The following NPFFR2 variants were observed in gnomAD, a reference collection of about 807,000 sequenced individuals.
NPFFR2 encodes neuropeptide FF receptor 2.
NPFFR2 carries 15 observed loss-of-function variants against 13.1 expected under a neutral mutation model. The ratio of observed to expected loss-of-function variants is 1.15; its 90% CI spans 0.77 to 1.76. NPFFR2 has a LOEUF of 1.76. NPFFR2 is among the 40% of genes most tolerant of loss of function. The pLI is 0.00. For missense variants in NPFFR2, 572 were observed against 503.5 expected, an observed-to-expected ratio of 1.14 and a Z score of -1.30; for synonymous variants, 190 against 175.7, an observed-to-expected ratio of 1.08 and a Z score of -0.65.
intron 3 of NPFFR2, among the ~76,000 whole-genome samples, chr4:72,141,729 A>G (rs907334962): frequency 6.6e-6 from 1 of 152,136 alleles, no homozygotes; most frequent in Non-Finnish European, 1.5e-5. Context: ...AGAAGAATGT[A>G]TATGCTGTTG....
At chr4:72,126,936 T>TTA (rs1440569797) in intron 1 of NPFFR2, among the ~76,000 whole-genome samples, 1 of 152,126 alleles carries the variant, frequency 6.6e-6, no homozygotes, top group Non-Finnish European at 1.5e-5. Context: ...TGTGAATGCA[T>TTA]TATATGCTGG....
At chr4:72,066,109 T>C (rs1249969638) in intron 1 of NPFFR2, among the ~76,000 whole-genome samples, 1 of 152,222 alleles carries the variant, frequency 6.6e-6, no homozygotes, top group Non-Finnish European at 1.5e-5. Flanking sequence ...CAAGGAACTG[T>C]CAGGTTTGAT....
intron 1 of NPFFR2, among the ~76,000 whole-genome samples, chr4:72,074,290 G>A (rs577462515): frequency 3.9e-5 from 6 of 151,922 alleles, no homozygotes; most frequent in Non-Finnish European, 5.9e-5. Context: ...ATTATGTCAC[G>A]ATGCCTACAT....
rs1257794315 is a variant in NPFFR2 at position 72,032,217 on chromosome 4, G to C, written c.-8+17G>C. 1.3e-6 allele frequency: 2 copies of C among 1,584,730 alleles called. No homozygotes were observed. The highest frequency in any genetic ancestry group is 3.4e-5 in the Admixed American group (2 of 58,084). Reference sequence around the variant, plus strand: ...CCGGGAGAGGTAACAGCATGGGCCAGTTTGTCTGGGGGCCCCCGCTTGGGG... The same window carrying C: ...CCGGGAGAGGTAACAGCATGGGCCACTTTGTCTGGGGGCCCCCGCTTGGGG... On this transcript the variant is annotated intron_variant, in intron 1 of 3. Coordinates refer to ENST00000308744, the MANE Select transcript of NPFFR2 (RefSeq NM_004885.3).
rs1447356114 is a variant in NPFFR2 at position 72,147,385 on chromosome 4, T to C, written c.836T>C (p.Val279Ala). 6.2e-7 allele frequency: 1 copy of C among 1,614,178 alleles called. No individual in the cohort carries two copies. The highest frequency in any genetic ancestry group is 2.2e-5 in the East Asian group (1 of 44,874). Reference protein sequence around the residue: ...KQKIIKMLLIVALLFILSWLP... With the variant: ...KQKIIKMLLIAALLFILSWLP... ...AAGATCATTAAGATGCTCCTGATTG[T>C]GGCCCTGCTTTTTATTCTCTCATGG... Residue 279 changes from valine to alanine, a missense_variant, in exon 4 of 4, where the codon GTG (valine) becomes GCG (alanine). By Grantham distance (64) the Val-to-Ala change is moderately conservative. Coordinates refer to ENST00000308744, the MANE Select transcript of NPFFR2 (RefSeq NM_004885.3).
At chr4:72,137,664 G>A (rs1161582485) in intron 2 of NPFFR2, among the ~76,000 whole-genome samples, 1 of 152,096 alleles carries the variant, frequency 6.6e-6, no homozygotes, top group African/African-American at 2.4e-5. Flanking sequence ...TTACTTCCCA[G>A]GTTCAAATTC....
At position 72,148,164 on chromosome 4, in the gene NPFFR2, T is replaced by C. The variant is rs1307098338; in HGVS notation, c.*352T>C. 1 of 178,372 alleles carries C rather than the reference T, an allele frequency of 5.6e-6. No individual in the cohort carries two copies. The highest frequency in any genetic ancestry group is 2.4e-5 in the African/African-American group (1 of 42,444). 11.0% of individuals were successfully genotyped at this position (178,372 alleles called of 1,614,324 possible). ...GTGTATTTTCCCCAAATGGTGATGATGAGCAGTGCTTTGCATGAAACTAGA... is the reference window on the plus strand; with the variant it reads ...GTGTATTTTCCCCAAATGGTGATGACGAGCAGTGCTTTGCATGAAACTAGA... On this transcript the variant is annotated 3_prime_UTR_variant, in exon 4 of 4. Coordinates refer to ENST00000308744, the MANE Select transcript of NPFFR2 (RefSeq NM_004885.3).
At chr4:72,075,658 A>G (rs1234386646) in intron 1 of NPFFR2, among the ~76,000 whole-genome samples, 1 of 152,090 alleles carries the variant, frequency 6.6e-6, no homozygotes, top group Non-Finnish European at 1.5e-5. Flanking sequence ...TGTAGGACAT[A>G]AGCCAATCAC....
intron 1 of NPFFR2, among the ~76,000 whole-genome samples, chr4:72,118,556 A>T (rs1721777284): frequency 6.6e-6 from 1 of 152,178 alleles, no homozygotes; most frequent in Non-Finnish European, 1.5e-5. Flanking sequence ...TAGACTCCAG[A>T]GCCTGTTTTT....
intron 3 of NPFFR2, among the ~76,000 whole-genome samples, chr4:72,140,532 A>C (rs533246687): frequency 2.0e-4 from 30 of 152,092 alleles, no homozygotes; most frequent in Non-Finnish European, 4.0e-4. Context: ...GGTGTTTGTC[A>C]TTGGTTCTGT....
intron 1 of NPFFR2, among the ~76,000 whole-genome samples, chr4:72,036,480 G>A (rs184545193): frequency 2.5e-3 from 370 of 150,176 alleles, no homozygotes; most frequent in Admixed American, 7.4e-3. Context: ...TTAGTGGGCT[G>A]GAGTTGGGTT....
At chr4:72,059,720 A>G (rs766327997) in intron 1 of NPFFR2, among the ~76,000 whole-genome samples, 3 of 152,072 alleles carry the variant, frequency 2.0e-5, no homozygotes, top group Admixed American at 6.6e-5. Flanking sequence ...ATTGCTGAGT[A>G]TGGATATTCC....
At chr4:72,085,870 AGT>A (rs1720755719) in intron 1 of NPFFR2, among the ~76,000 whole-genome samples, 1 of 152,160 alleles carries the variant, frequency 6.6e-6, no homozygotes, top group African/African-American at 2.4e-5. Context: ...GTACAAGTTT[AGT>A]GTATATACAT....
rs1489898378 is a variant in NPFFR2, at chr4:72,147,873, T to G, written c.*61T>G. The G allele has an allele frequency of 1.6e-6, 2 of 1,254,522 alleles. No individual in the cohort carries two copies. Among genetic ancestry groups the G allele is most frequent in the Admixed American group, 3.0e-5 (1 of 33,016 alleles). The allele number at this position is 1,254,522 out of a possible 1,614,324, so 77.7% of individuals were successfully genotyped here. A position where few individuals can be genotyped will look rare whatever the true frequency, so the allele number is the denominator to read the frequency against. On this transcript the variant is annotated 3_prime_UTR_variant, in exon 4 of 4. Transcript: ENST00000308744. ...ATTATATATTTAAATCCATTGCTTT[T>G]TGTGGCTTTGCACTTCAAATTTTTC...
At chr4:72,043,371 T>C (rs1719284951) in intron 1 of NPFFR2, among the ~76,000 whole-genome samples, 1 of 152,200 alleles carries the variant, frequency 6.6e-6, no homozygotes, top group Non-Finnish European at 1.5e-5. Context: ...GAGGCTACTG[T>C]CTTCTAGACC....
chr4:72,034,070 C>T (rs763562035), intron 1 of NPFFR2, among the ~76,000 whole-genome samples: 8 of 152,146 alleles, frequency 5.3e-5, no homozygotes, highest in Non-Finnish European at 1.2e-4. Flanking sequence ...CTTGAAGCTT[C>T]AGATACTTAA....
At chr4:72,080,859 A>G (rs762024060) in intron 1 of NPFFR2, among the ~76,000 whole-genome samples, 2 of 146,814 alleles carry the variant, frequency 1.4e-5, no homozygotes, top group Non-Finnish European at 2.9e-5. Flanking sequence ...ACTTTCCTCT[A>G]CTCCACCAGC....
chr4:72,144,117 A>T lies in NPFFR2; in HGVS notation c.429-2861A>T, dbSNP rs567507187. ...GCTTGTCTCTGTTCTACTTGATGTC[A>T]GGTGGAGCAGCTTCAAGGTTAGGGC... On this transcript the variant is annotated intron_variant, in intron 3 of 3. Coordinates refer to ENST00000308744, the MANE Select transcript of NPFFR2 (RefSeq NM_004885.3). 1.5e-4 allele frequency among the ~76,000 whole-genome samples: 23 copies of T among 152,286 alleles called. 1 individual carries two copies. In the South Asian group the frequency reaches 4.6e-3, roughly 30 times the overall value.
intron 1 of NPFFR2, among the ~76,000 whole-genome samples, chr4:72,127,976 G>T (rs1269055567): frequency 2.6e-5 from 4 of 151,936 alleles, no homozygotes; most frequent in Non-Finnish European, 4.4e-5. Flanking sequence ...GCTACTTGGG[G>T]GGTGAGGCAG....
Sources: gnomAD v4.1 joint callset for allele counts (sites outside exome capture counted in the v4.1 genomes callset) on GRCh38, gnomAD v4.1.1 for gene constraint, MANE v1.5 for transcripts, NCBI Gene and HGNC (gene_info 2026-07-23, HGNC 2026-07-21) for gene names.